Variants in UNC13B observed in about 807,000 individuals in gnomAD.
UNC13B encodes protein unc-13 homolog B.
In UNC13B, 144 loss-of-function variants were observed where a neutral mutation model predicts 211.0. The ratio of observed to expected loss-of-function variants is 0.68; its 90% CI spans 0.60 to 0.78. UNC13B has a LOEUF of 0.78. Ranked by LOEUF, UNC13B falls within the 30% of genes least tolerant of loss-of-function variation. UNC13B has a pLI of 0.00. For synonymous variants in UNC13B, 709 were observed against 725.8 expected (o/e 0.98, Z 0.37); for missense variants, 1,777 against 2,002.0 (o/e 0.89, Z 2.14).
At chr9:35,331,567 G>A (rs1022593059) in intron 11 of UNC13B, among the ~76,000 whole-genome samples, 4 of 152,114 alleles carry the variant, frequency 2.6e-5, no homozygotes, top group African/African-American at 9.7e-5. Flanking sequence ...TTTAAATCAA[G>A]CCCCTAATAA....
intron 1 of UNC13B, among the ~76,000 whole-genome samples, chr9:35,226,244 A>T (rs1194684425): frequency 6.6e-6 from 1 of 152,088 alleles, no homozygotes; most frequent in Non-Finnish European, 1.5e-5. Context: ...GGTGATTCTA[A>T]TGTATGCTCA....
intron 1 of UNC13B, among the ~76,000 whole-genome samples, chr9:35,199,278 T>A (rs1054343077): frequency 6.6e-6 from 1 of 152,216 alleles, no homozygotes; most frequent in Non-Finnish European, 1.5e-5. Flanking sequence ...GTCTTTGCTA[T>A]TGTGAATAGT....
chr9:35,233,316 T>G (rs556553725), intron 3 of UNC13B, among the ~76,000 whole-genome samples: 1 of 152,318 alleles, frequency 6.6e-6, no homozygotes, highest in East Asian at 1.9e-4. Context: ...ATTATTCTTA[T>G]GTGTTTATTT....
intron 24 of UNC13B, among the ~76,000 whole-genome samples, chr9:35,389,427 C>T (rs1448439667): frequency 6.6e-6 from 1 of 152,058 alleles, no homozygotes; most frequent in African/African-American, 2.4e-5. Flanking sequence ...TGTGTGTGGT[C>T]GTGGTGTGCT....
chr9:35,397,822 A>T, intron 30 of UNC13B, 110 bp downstream of exon 30: 1 of 1,123,536 alleles, frequency 8.9e-7, no homozygotes, highest in Non-Finnish European at 1.3e-6. Flanking sequence ...CTGATGCCTG[A>T]TTCCCACCAT....
At chr9:35,200,386 G>A (rs1396471248) in intron 1 of UNC13B, among the ~76,000 whole-genome samples, 1 of 152,176 alleles carries the variant, frequency 6.6e-6, no homozygotes, top group Non-Finnish European at 1.5e-5. Context: ...GTCATTGGTA[G>A]CTTGATGGGG....
At chr9:35,211,550 A>T (rs1430207940) in intron 1 of UNC13B, among the ~76,000 whole-genome samples, 1 of 152,222 alleles carries the variant, frequency 6.6e-6, no homozygotes, top group African/African-American at 2.4e-5. Flanking sequence ...TGCCAAATAG[A>T]TTACAATGAG....
intron 11 of UNC13B, among the ~76,000 whole-genome samples, chr9:35,337,487 G>A (rs566678788): frequency 3.3e-5 from 5 of 152,302 alleles, no homozygotes; most frequent in South Asian, 2.1e-4. Flanking sequence ...CTCTAAACAC[G>A]TAGTTCTCTC....
chr9:35,399,409 C>T lies in UNC13B; in HGVS notation c.12216C>T (p.Phe4072=), dbSNP rs767632830. The change falls in exon 35 of 40, where the codon TTC becomes TTT. Residue 4072 remains phenylalanine, a synonymous_variant. Coordinates refer to ENST00000635942, the MANE Select transcript of UNC13B (RefSeq NM_001371189.2). ...CTGCCCAGGGCACCCAGCTGATCTT[C>T]ACTGCTGCCAAGGAGCTGAGCCATC... ...LTDQTGTQLI[F]TAAKELSHLS... is the part of the protein sequence containing the mutation. 1.9e-6 allele frequency: 3 copies of T among 1,614,022 alleles called. No individual in the cohort carries two copies. Among genetic ancestry groups the T allele is most frequent in the Non-Finnish European group, 2.5e-6 (3 of 1,180,030 alleles).
chr9:35,366,975 C>G lies in UNC13B; in HGVS notation c.9443C>G (p.Pro3148Arg). The G allele has an allele frequency of 6.2e-7, 1 of 1,613,942 alleles. No individual in the cohort carries two copies. The highest frequency in any genetic ancestry group is 8.5e-7 in the Non-Finnish European group (1 of 1,179,816). Residue 3148 changes from proline to arginine, a missense_variant, in exon 12 of 40, where the codon CCT (proline) becomes CGT (arginine). Physicochemically the swap from Pro to Arg is moderately radical, Grantham distance 103. Coordinates refer to ENST00000635942, the MANE Select transcript of UNC13B (RefSeq NM_001371189.2). Reference sequence around the variant, plus strand: ...CCAGATGATGGTGACCCCTCTCTGCCTCAGTGGCTCCCGGAAGGGTAAGTA... The same window carrying G: ...CCAGATGATGGTGACCCCTCTCTGCGTCAGTGGCTCCCGGAAGGGTAAGTA... ...EIPDDGDPSL[P>R]QWLPEGPAGG...
At chr9:35,380,107 G>A (rs1201437556) in intron 17 of UNC13B, among the ~76,000 whole-genome samples, 1 of 152,112 alleles carries the variant, frequency 6.6e-6, no homozygotes, top group Non-Finnish European at 1.5e-5. Flanking sequence ...TCTGAGGATG[G>A]AGCTAGCAGT....
At chr9:35,183,241 A>C (rs1250289618) in intron 1 of UNC13B, among the ~76,000 whole-genome samples, 1 of 92,966 alleles carries the variant, frequency 1.1e-5, no homozygotes, top group Non-Finnish European at 2.1e-5. Context: ...CTCCCAGACG[A>C]AGGGCGGCCG....
At chr9:35,212,946 G>C (rs943793901) in intron 1 of UNC13B, among the ~76,000 whole-genome samples, 6 of 152,200 alleles carry the variant, frequency 3.9e-5, no homozygotes, top group African/African-American at 7.2e-5. Flanking sequence ...ACCTTGAGCT[G>C]TGGGACCTTG....
In UNC13B at chr9:35,380,558, C is replaced by A; in HGVS notation, c.10294C>A (p.Arg3432=). The change falls in exon 18 of 40, where the codon CGA becomes AGA. Residue 3432 remains arginine (R), a synonymous_variant. Coordinates refer to ENST00000635942, the MANE Select transcript of UNC13B (RefSeq NM_001371189.2). ...GTCAAGAGTAAAGCAACGCCTAAAGCGAGAGTCTGATGATTTCCTTGGCCA... is the reference window on the plus strand; with the variant it reads ...GTCAAGAGTAAAGCAACGCCTAAAGAGAGAGTCTGATGATTTCCTTGGCCA... The part of the protein sequence containing the change: ...IKSRVKQRLK[R]ESDDFLGQTI... 6.2e-7 allele frequency: 1 copy of A among 1,614,184 alleles called. No individual in the cohort carries two copies. The highest frequency in any genetic ancestry group is 2.2e-5 in the East Asian group (1 of 44,878).
intron 11 of UNC13B, among the ~76,000 whole-genome samples, chr9:35,326,740 TA>T (rs566491194): frequency 2.5e-3 from 380 of 152,268 alleles, no homozygotes; most frequent in African/African-American, 8.6e-3. Flanking sequence ...CATAATAAAA[TA>T]AAACAATTAT....
At chr9:35,249,554 G>A (rs1027344714) in intron 6 of UNC13B, among the ~76,000 whole-genome samples, 2 of 152,074 alleles carry the variant, frequency 1.3e-5, no homozygotes, top group African/African-American at 4.8e-5. Context: ...ATGCCTGGTG[G>A]TGACAAAATC....
intron 11 of UNC13B, among the ~76,000 whole-genome samples, chr9:35,333,964 G>T (rs28535895): frequency 0.022 from 1,436 of 64,394 alleles, 14 homozygotes; most frequent in African/African-American, 0.079. Flanking sequence ...TTTTTTGTTT[G>T]TTTTTTTTTT....
At chr9:35,375,816 A>C (rs1156670482) in intron 14 of UNC13B, among the ~76,000 whole-genome samples, 2 of 152,164 alleles carry the variant, frequency 1.3e-5, no homozygotes, top group Admixed American at 6.5e-5. Flanking sequence ...CCCTGTCTCT[A>C]CTAAAAATAC....
At chr9:35,220,101 C>A (rs146997130) in intron 1 of UNC13B, among the ~76,000 whole-genome samples, 19 of 151,954 alleles carry the variant, frequency 1.3e-4, no homozygotes, top group Non-Finnish European at 2.1e-4. Flanking sequence ...CAGGTATAAG[C>A]AAATATGAAT....
Sources: gnomAD v4.1 joint callset for allele counts (sites outside exome capture counted in the v4.1 genomes callset) on GRCh38, gnomAD v4.1.1 for gene constraint, MANE v1.5 for transcripts, NCBI Gene and HGNC (gene_info 2026-07-23, HGNC 2026-07-21) for gene names.